Variants in FTO observed in about 807,000 individuals in gnomAD.
FTO encodes the protein alpha-ketoglutarate-dependent dioxygenase FTO.
Under a neutral mutation model 63.9 loss-of-function variants are expected in FTO, and 47 were observed. That is an observed-to-expected ratio of 0.74 (90% CI 0.58 to 0.94). The LOEUF (loss-of-function observed/expected upper bound fraction) is 0.94. Ranked by LOEUF, FTO falls within the 40% of genes least tolerant of loss-of-function variation. The pLI, the probability that FTO is intolerant of heterozygous loss-of-function variation, is 0.00. For synonymous variants in FTO, 207 were observed against 224.4 expected (o/e 0.92, Z 0.69); for missense variants, 562 against 618.1 (o/e 0.91, Z 0.96).
intron 8 of FTO, among the ~76,000 whole-genome samples, chr16:54,020,028 A>G (rs1304351844): frequency 6.6e-6 from 1 of 152,236 alleles, no homozygotes; most frequent in African/African-American, 2.4e-5. Context: ...GTTTATTTCT[A>G]TAGTTATTTT....
chr16:53,958,001 C>T (rs188939703), intron 8 of FTO, among the ~76,000 whole-genome samples: 1 of 152,278 alleles, frequency 6.6e-6, no homozygotes, highest in African/African-American at 2.4e-5. Flanking sequence ...TGACTAGCTA[C>T]ATGAATTATA....
chr16:53,980,262 C>T (rs2143807905), intron 8 of FTO, among the ~76,000 whole-genome samples: 1 of 152,246 alleles, frequency 6.6e-6, no homozygotes, highest in South Asian at 2.1e-4. Flanking sequence ...GCTCCTTTTA[C>T]CGAACAATTG....
intron 1 of FTO, among the ~76,000 whole-genome samples, chr16:53,756,429 A>C (rs750728199): frequency 1.2e-4 from 19 of 152,192 alleles, no homozygotes; most frequent in Non-Finnish European, 2.6e-4. Context: ...TCAAGTCTCT[A>C]TTCAGTGCTT....
chr16:53,829,009 G>T (rs1362225195), intron 3 of FTO, among the ~76,000 whole-genome samples: 1 of 152,156 alleles, frequency 6.6e-6, no homozygotes, highest in African/African-American at 2.4e-5. Flanking sequence ...TCCTGCCTCA[G>T]CTTCCCGAGT....
chr16:53,930,280 G>A lies in FTO; in HGVS notation c.1240-3705G>A, dbSNP rs185868568. On this transcript the variant is annotated intron_variant, in intron 7 of 8. Coordinates refer to ENST00000471389, the MANE Select transcript of FTO (RefSeq NM_001080432.3). The stretch of plus-strand genomic sequence containing the variant: ...AGTCTCGCTCCCAGGCTGGAGTGAA[G>A]TGGCGCGATCTTGGCTCACTGCAAG... 1.5e-3 allele frequency among the ~76,000 whole-genome samples: 182 copies of A among 120,556 alleles called. 1 individual carries two copies. The highest frequency in any genetic ancestry group is 5.7e-3 in the African/African-American group (177 of 30,832). 79.1% of individuals were successfully genotyped at this position (120,556 alleles called of 152,430 possible).
chr16:54,075,538 C>T (rs564923209), intron 8 of FTO, among the ~76,000 whole-genome samples: 3 of 152,224 alleles, frequency 2.0e-5, no homozygotes, highest in South Asian at 4.1e-4. Flanking sequence ...GATTAGTTCC[C>T]GGTGGAAAGG....
chr16:53,817,336 CAG>C (rs1199382346), intron 2 of FTO, among the ~76,000 whole-genome samples: 1 of 152,136 alleles, frequency 6.6e-6, no homozygotes, highest in Non-Finnish European at 1.5e-5. Flanking sequence ...ATCATGCAGG[CAG>C]AGTCTGGGTC....
chr16:53,746,359 C>T (rs2076651500), intron 1 of FTO, among the ~76,000 whole-genome samples: 1 of 152,106 alleles, frequency 6.6e-6, no homozygotes, highest in African/African-American at 2.4e-5. Flanking sequence ...CCATTCCCTT[C>T]CCCCATCAAC....
At chr16:53,759,682 A>T (rs1304078423) in intron 1 of FTO, among the ~76,000 whole-genome samples, 1 of 122,724 alleles carries the variant, frequency 8.1e-6, no homozygotes, top group African/African-American at 3.9e-5. Flanking sequence ...TGACCGAAAA[A>T]GACTCCTTCT....
chr16:53,919,532 T>TG (rs2081960081), intron 7 of FTO, among the ~76,000 whole-genome samples: 1 of 152,220 alleles, frequency 6.6e-6, no homozygotes, highest in Admixed American at 6.5e-5. Flanking sequence ...CATGCATGTT[T>TG]ATAGCAGCAC....
intron 8 of FTO, among the ~76,000 whole-genome samples, chr16:53,974,476 A>G (rs2083393165): frequency 6.6e-6 from 1 of 152,218 alleles, no homozygotes; most frequent in African/African-American, 2.4e-5. Context: ...GCAAATGATC[A>G]TGCAAACCTT....
intron 8 of FTO, among the ~76,000 whole-genome samples, chr16:54,005,055 G>A (rs2084165106): frequency 6.9e-6 from 1 of 144,706 alleles, no homozygotes; most frequent in South Asian, 2.2e-4. Flanking sequence ...GGGCCACAGA[G>A]CGAGGCTCCG....
At chr16:53,853,835 C>T (rs1013063667) in intron 4 of FTO, among the ~76,000 whole-genome samples, 8 of 152,050 alleles carry the variant, frequency 5.3e-5, no homozygotes, top group African/African-American at 1.9e-4. Flanking sequence ...CAGGTAGATA[C>T]CCAGCAGTGG....
At chr16:53,708,030 G>A (rs2075670082) in intron 1 of FTO, among the ~76,000 whole-genome samples, 1 of 152,174 alleles carries the variant, frequency 6.6e-6, no homozygotes. Flanking sequence ...AGCATATATT[G>A]GTACTTTGTT....
chr16:53,939,601 T>A (rs2082477454), intron 8 of FTO, among the ~76,000 whole-genome samples: 1 of 152,158 alleles, frequency 6.6e-6, no homozygotes, highest in Non-Finnish European at 1.5e-5. Context: ...CGGCATCTGT[T>A]AACAGCCACC....
At chr16:54,109,255 A>G (rs1186562793) in intron 8 of FTO, among the ~76,000 whole-genome samples, 2 of 152,246 alleles carry the variant, frequency 1.3e-5, no homozygotes, top group Non-Finnish European at 2.9e-5. Context: ...AGATGGATGC[A>G]GTGACTATGT....
chr16:54,101,280 G>A (rs982737324), intron 8 of FTO, among the ~76,000 whole-genome samples: 17 of 151,904 alleles, frequency 1.1e-4, no homozygotes, highest in African/African-American at 2.4e-4. Context: ...CCCCCTCCTC[G>A]CACACTCCCT....
intron 8 of FTO, among the ~76,000 whole-genome samples, chr16:54,080,019 G>T (rs541228499): frequency 6.6e-6 from 1 of 152,134 alleles, no homozygotes; most frequent in Non-Finnish European, 1.5e-5. Context: ...ACCTGTTCCA[G>T]TTGAATCTGT....
chr16:53,722,074 T>C (rs921162510), intron 1 of FTO, among the ~76,000 whole-genome samples: 3 of 152,186 alleles, frequency 2.0e-5, no homozygotes, highest in Admixed American at 6.5e-5. Flanking sequence ...GTGAGGTCTT[T>C]TCTTCAGTCC....
Sources: gnomAD v4.1 joint callset for allele counts (sites outside exome capture counted in the v4.1 genomes callset) on GRCh38, gnomAD v4.1.1 for gene constraint, MANE v1.5 for transcripts, NCBI Gene and HGNC (gene_info 2026-07-23, HGNC 2026-07-21) for gene names.